The following MCM3 variants were observed in gnomAD, a reference collection of about 807,000 sequenced individuals.
MCM3 encodes minichromosome maintenance complex component 3.
A neutral mutation model predicts 91.3 loss-of-function variants in MCM3; 59 were observed. That is an observed-to-expected ratio of 0.65 (90% CI 0.52 to 0.80). The LOEUF (loss-of-function observed/expected upper bound fraction) is 0.80, where lower values mean the gene tolerates loss of function less well. MCM3 is among the 30% of genes least tolerant of loss of function. MCM3 has a pLI of 0.00. For synonymous variants in MCM3, 383 were observed against 379.6 expected (o/e 1.01, Z -0.10); for missense variants, 919 against 1,035.4 (o/e 0.89, Z 1.54).
At position 52,278,736 on chromosome 6, in the gene MCM3, C is replaced by A; in HGVS notation, c.879+6G>T. 6.2e-7 allele frequency: 1 copy of A among 1,604,048 alleles called. No individual in the cohort carries two copies. The highest frequency in any genetic ancestry group is 1.1e-5 in the South Asian group (1 of 90,134). ...CCACCCTCAAATTTCTAAAGGATGCCCAGACCTTGGATCGGGTTTTACTGA... is the reference window on the plus strand; with the variant it reads ...CCACCCTCAAATTTCTAAAGGATGCACAGACCTTGGATCGGGTTTTACTGA... On this transcript the variant is annotated splice_donor_region_variant and intron_variant, in intron 6 of 16. Coordinates refer to ENST00000596288, the MANE Select transcript of MCM3 (RefSeq NM_002388.6).
intron 12 of MCM3, among the ~76,000 whole-genome samples, chr6:52,271,325 G>A (rs1765113617): frequency 6.6e-6 from 1 of 151,136 alleles, no homozygotes; most frequent in Non-Finnish European, 1.5e-5. Flanking sequence ...AATCCTATGT[G>A]AACTACACTG....
intron 14 of MCM3, 60 bp from the exon 15 acceptor site, chr6:52,266,756 C>T: frequency 7.7e-7 from 1 of 1,300,586 alleles, no homozygotes; most frequent in Non-Finnish European, 1.1e-6. Context: ...GGCAAGGAAG[C>T]CCCATCACGT....
At chr6:52,279,623 CAG>C in intron 4 of MCM3, 24 bp from the exon 5 acceptor site, 1 of 1,548,870 alleles carries the variant, frequency 6.5e-7, no homozygotes, top group African/African-American at 1.4e-5. Flanking sequence ...CACAGAGGGA[CAG>C]AGTGATCTCC....
At chr6:52,269,673 G>C (rs899374072) in intron 12 of MCM3, among the ~76,000 whole-genome samples, 1 of 152,186 alleles carries the variant, frequency 6.6e-6, no homozygotes, top group African/African-American at 2.4e-5. Flanking sequence ...CACTAAAGGA[G>C]GGATAGGAAA....
chr6:52,272,514 G>C, intron 11 of MCM3, 63 bp from the exon 12 acceptor site: 5 of 1,597,166 alleles, frequency 3.1e-6, no homozygotes, highest in Middle Eastern at 3.3e-4. Flanking sequence ...TGGATTAGTG[G>C]CTTTGCCTCT....
Position 52,269,235 on chromosome 6 carries a change from G to T in MCM3, c.1828-9C>A. The T allele has an allele frequency of 6.2e-7, 1 of 1,602,936 alleles. No individual in the cohort carries two copies. The highest frequency in any genetic ancestry group is 1.1e-5 in the South Asian group (1 of 90,398). Reference sequence around the variant, plus strand: ...GCTGTAACTGGAGATGTCTAGGGAAGAAAAGGGAGGATTGCTTATCCCAAG... The same window carrying T: ...GCTGTAACTGGAGATGTCTAGGGAATAAAAGGGAGGATTGCTTATCCCAAG... On this transcript the variant is annotated splice_polypyrimidine_tract_variant and intron_variant, in intron 12 of 16. Transcript: ENST00000596288.
At position 52,267,980 on chromosome 6, in the gene MCM3, G is replaced by C. The variant is rs758549101; in HGVS notation, c.1969-12C>G. ...TCCTTCTCCAGAACCTAAGACCAAG[G>C]CAAGTGTGGCTGGGCTAGAGGGGTC... is the stretch of plus-strand genomic sequence containing the variant. On this transcript the variant is annotated splice_polypyrimidine_tract_variant and intron_variant, in intron 13 of 16. Coordinates refer to ENST00000596288, the MANE Select transcript of MCM3 (RefSeq NM_002388.6). The C allele has an allele frequency of 6.2e-7, 1 of 1,613,928 alleles. No homozygotes were observed. The highest frequency in any genetic ancestry group is 1.1e-5 in the South Asian group (1 of 91,084).
intron 14 of MCM3, among the ~76,000 whole-genome samples, chr6:52,267,338 C>A (rs1003258180): frequency 6.6e-6 from 1 of 151,900 alleles, no homozygotes; most frequent in Admixed American, 6.6e-5. Context: ...CCTCGTGATC[C>A]GCCTGCCTCG....
intron 1 of MCM3, among the ~76,000 whole-genome samples, chr6:52,283,918 C>T (rs1159628280): frequency 2.0e-5 from 3 of 151,888 alleles, no homozygotes; most frequent in African/African-American, 7.3e-5. Context: ...ATTAAAATGG[C>T]TTTTCATTTA....
chr6:52,280,926 C>T (rs555322108), intron 4 of MCM3, among the ~76,000 whole-genome samples: 27 of 152,292 alleles, frequency 1.8e-4, no homozygotes, highest in African/African-American at 6.0e-4. Context: ...GATATTCATT[C>T]GTTTTTGTTT....
intron 11 of MCM3, among the ~76,000 whole-genome samples, chr6:52,272,821 G>A (rs996373433): frequency 3.9e-5 from 6 of 152,172 alleles, no homozygotes; most frequent in Admixed American, 3.9e-4. Flanking sequence ...AAAAATAGGT[G>A]TAAGATCCCA....
At chr6:52,283,480 T>C (rs1357732933) in intron 1 of MCM3, 74 bp from the exon 2 acceptor site, 2 of 987,118 alleles carry the variant, frequency 2.0e-6, no homozygotes, top group Non-Finnish European at 3.3e-6. Context: ...GTAGTTCTCA[T>C]AGCCAGATAG....
intron 4 of MCM3, 124 bp from the exon 5 acceptor site, chr6:52,279,723 G>C (rs912914141): frequency 2.8e-6 from 2 of 727,216 alleles, no homozygotes; most frequent in Non-Finnish European, 4.6e-6. Context: ...AAAAAGCCAA[G>C]TACCTTCTCT....
intron 6 of MCM3, among the ~76,000 whole-genome samples, chr6:52,278,070 C>CAAAAA (rs61625257): frequency 8.5e-4 from 33 of 38,970 alleles, no homozygotes; most frequent in African/African-American, 1.1e-3. Context: ...TCCGTCTCAC[C>CAAAAA]AAAAAAAAAA....
intron 12 of MCM3, among the ~76,000 whole-genome samples, chr6:52,271,789 T>C (rs532982735): frequency 2.0e-5 from 3 of 152,244 alleles, no homozygotes; most frequent in Non-Finnish European, 4.4e-5. Flanking sequence ...TCATACTCTC[T>C]GGGAATCCTT....
At chr6:52,284,443 G>A (rs1250700679) in intron 1 of MCM3, among the ~76,000 whole-genome samples, 154 bp downstream of exon 1, 2 of 152,192 alleles carry the variant, frequency 1.3e-5, no homozygotes, top group African/African-American at 4.8e-5. Flanking sequence ...CGAGTCCGGC[G>A]TTGAGAAGTT....
chr6:52,272,224 A>T, intron 12 of MCM3, 77 bp downstream of exon 12: 6 of 1,454,716 alleles, frequency 4.1e-6, no homozygotes, highest in Non-Finnish European at 2.8e-6. Context: ...AATGCTTTCA[A>T]AGCTCCCAGA....
chr6:52,268,721 A>G (rs17240175), intron 13 of MCM3, among the ~76,000 whole-genome samples: 7,971 of 152,310 alleles, frequency 0.052, 312 homozygotes, highest in Middle Eastern at 0.099. Flanking sequence ...GGAAAGGTAG[A>G]GTGGGACAAG....
In MCM3 at chr6:52,282,212, A is replaced by T. The variant is rs201441740; in HGVS notation, c.401-37T>A. Reference sequence around the variant, plus strand: ...AAATGTGCATATATAAACTCACCCAACTAGACGATGATACAGGTGGAACCC... The same window carrying T: ...AAATGTGCATATATAAACTCACCCATCTAGACGATGATACAGGTGGAACCC... On this transcript the variant is annotated intron_variant, in intron 3 of 16. Transcript: ENST00000596288. 3.5e-5 allele frequency: 57 copies of T among 1,610,776 alleles called. 1 individual carries two copies. The African/African-American group carries it at 6.9e-4, about 20-fold the overall frequency.
Sources: allele counts gnomAD v4.1 joint callset (sites outside exome capture counted in the v4.1 genomes callset), GRCh38; gene constraint gnomAD v4.1.1; transcripts MANE v1.5; gene names NCBI Gene and HGNC (gene_info 2026-07-23, HGNC 2026-07-21).